Variants in ANO5 observed in about 807,000 individuals in gnomAD.
The protein encoded by ANO5 is anoctamin 5.
A neutral mutation model predicts 121.0 loss-of-function variants in ANO5; 109 were observed. The ratio of observed to expected loss-of-function variants is 0.90; its 90% CI spans 0.77 to 1.06. ANO5 has a LOEUF of 1.06. ANO5 is among the 50% of genes least tolerant of loss of function. ANO5 has a pLI of 0.00. For missense variants in ANO5, 1,064 were observed against 1,078.5 expected (o/e 0.99, Z 0.19); for synonymous variants, 406 against 359.9 (o/e 1.13, Z -1.45).
chr11:22,234,772 G>T (rs1654128616), intron 7 of ANO5, among the ~76,000 whole-genome samples: 1 of 152,026 alleles, frequency 6.6e-6, no homozygotes, highest in Non-Finnish European at 1.5e-5. Context: ...GGTAACAAAG[G>T]CCAGACACAC....
At chr11:22,259,815 G>T (rs1854134122) in intron 15 of ANO5, 74 bp downstream of exon 15, 1 of 1,386,074 alleles carries the variant, frequency 7.2e-7, no homozygotes, top group Non-Finnish European at 1.0e-6. Flanking sequence ...TTTGGATCAG[G>T]TCTCCAGGAG....
intron 5 of ANO5, 137 bp downstream of exon 5, chr11:22,221,347 C>T (rs1852645321): frequency 2.7e-6 from 2 of 744,964 alleles, no homozygotes; most frequent in Admixed American, 4.5e-5. Flanking sequence ...AATGAGATAA[C>T]TGTAAAGTAG....
chr11:22,243,922 A>G (rs1286460099), intron 9 of ANO5, among the ~76,000 whole-genome samples: 3 of 23,008 alleles, frequency 1.3e-4, no homozygotes, highest in Non-Finnish European at 5.7e-4. Flanking sequence ...GTTAGTATTG[A>G]TATGTGAGAT....
At chr11:22,210,484 G>A (rs923595004) in intron 2 of ANO5, among the ~76,000 whole-genome samples, 1 of 151,858 alleles carries the variant, frequency 6.6e-6, no homozygotes, top group African/African-American at 2.4e-5. Flanking sequence ...ATTTTTCCAA[G>A]AACAAGGTAA....
chr11:22,264,477 A>G (rs1399768877), intron 17 of ANO5, among the ~76,000 whole-genome samples: 1 of 151,676 alleles, frequency 6.6e-6, no homozygotes, highest in Non-Finnish European at 1.5e-5. Context: ...AAAAATTTTA[A>G]AAAAAAAACA....
intron 5 of ANO5, among the ~76,000 whole-genome samples, chr11:22,225,103 A>G (rs1669172604): frequency 6.6e-6 from 1 of 152,094 alleles, no homozygotes; most frequent in Non-Finnish European, 1.5e-5. Context: ...TTATATATGT[A>G]TATTTTAACT....
intron 17 of ANO5, among the ~76,000 whole-genome samples, chr11:22,268,391 C>T (rs1854446432): frequency 6.6e-6 from 1 of 151,828 alleles, no homozygotes; most frequent in African/African-American, 2.4e-5. Context: ...TTTGTCACAT[C>T]AGTGTCTAGG....
chr11:22,268,112 A>G (rs937913726), intron 17 of ANO5, among the ~76,000 whole-genome samples: 1 of 152,210 alleles, frequency 6.6e-6, no homozygotes, highest in African/African-American at 2.4e-5. Flanking sequence ...TGGTGGGGCA[A>G]CATTTATCAA....
intron 2 of ANO5, among the ~76,000 whole-genome samples, chr11:22,204,514 T>C (rs556915572): frequency 6.6e-6 from 1 of 152,176 alleles, no homozygotes; most frequent in South Asian, 2.1e-4. Context: ...ATAAACAGGA[T>C]TTAAAAAGAA....
chr11:22,251,902 T>G (rs1008123977), intron 12 of ANO5, among the ~76,000 whole-genome samples: 3 of 151,422 alleles, frequency 2.0e-5, no homozygotes, highest in African/African-American at 7.3e-5. Context: ...TGGTGGCAGG[T>G]GCCTGTAGTT....
At chr11:22,251,823 G>A (rs1008772758) in intron 12 of ANO5, among the ~76,000 whole-genome samples, 9 of 151,502 alleles carry the variant, frequency 5.9e-5, no homozygotes, top group African/African-American at 2.2e-4. Flanking sequence ...TCAGGAGATC[G>A]AGATTACCCT....
intron 13 of ANO5, among the ~76,000 whole-genome samples, chr11:22,256,145 G>A (rs1047700910): frequency 3.3e-5 from 5 of 152,000 alleles, no homozygotes; most frequent in Non-Finnish European, 7.4e-5. Context: ...TGACTGAGTT[G>A]TTTAACTTTT....
chr11:22,253,309 T>C (rs79325391), intron 12 of ANO5, among the ~76,000 whole-genome samples: 1,647 of 152,226 alleles, frequency 0.011, 40 homozygotes, highest in African/African-American at 0.038. Flanking sequence ...CAGTACTCTT[T>C]TTGCTAACTA....
chr11:22,193,054 G>A (rs1851695225), upstream of ANO5: 3 of 1,026,026 alleles, frequency 2.9e-6, no homozygotes, highest in Non-Finnish European at 2.3e-6. Flanking sequence ...ACGCAGCGAA[G>A]GGGAAAGGAA....
chr11:22,211,331 A>G lies in ANO5; in HGVS notation c.138+17A>G. ...GAAACAATGGTAAGCAGCGACCAGTACTATCCTTTCTTGCATGGACACAAA... is the reference window on the plus strand; with the variant it reads ...GAAACAATGGTAAGCAGCGACCAGTGCTATCCTTTCTTGCATGGACACAAA... On this transcript the variant is annotated intron_variant, in intron 3 of 21. Coordinates refer to ENST00000324559, the MANE Select transcript of ANO5 (RefSeq NM_213599.3). 2 of 1,610,744 alleles carry G rather than the reference A, an allele frequency of 1.2e-6. No homozygotes were observed. Among genetic ancestry groups the G allele is most frequent in the Non-Finnish European group, 1.7e-6 (2 of 1,177,478 alleles).
At chr11:22,269,032 A>G (rs1206785342) in intron 17 of ANO5, among the ~76,000 whole-genome samples, 2 of 151,734 alleles carry the variant, frequency 1.3e-5, no homozygotes, top group Non-Finnish European at 2.9e-5. Context: ...ACATAGAGAA[A>G]GAAAAAAGGA....
chr11:22,195,845 C>T (rs57802760), intron 1 of ANO5, among the ~76,000 whole-genome samples: 1,938 of 152,168 alleles, frequency 0.013, 36 homozygotes, highest in African/African-American at 0.044. Context: ...TGAGGAATAC[C>T]GTATATTTGA....
intron 7 of ANO5, among the ~76,000 whole-genome samples, chr11:22,228,996 A>T (rs781724695): frequency 6.6e-6 from 1 of 151,966 alleles, no homozygotes; most frequent in Non-Finnish European, 1.5e-5. Flanking sequence ...GCATATACCC[A>T]GTAATGGGAT....
intron 7 of ANO5, among the ~76,000 whole-genome samples, chr11:22,231,262 G>A (rs376963709): frequency 1.3e-5 from 2 of 151,816 alleles, no homozygotes; most frequent in African/African-American, 4.8e-5. Context: ...TTAATAAGAT[G>A]TACATTATTT....
Sources: allele counts gnomAD v4.1 joint callset (sites outside exome capture counted in the v4.1 genomes callset), GRCh38; gene constraint gnomAD v4.1.1; transcripts MANE v1.5; gene names NCBI Gene and HGNC (gene_info 2026-07-23, HGNC 2026-07-21).